Variants in AFF1 observed in about 807,000 individuals in gnomAD.
AFF1 encodes AF4/FMR2 family member 1.
A neutral mutation model predicts 121.7 loss-of-function variants in AFF1; 48 were observed. The observed-to-expected ratio is 0.39, with a 90% confidence interval of 0.31 to 0.50. AFF1 has a LOEUF of 0.50. Ranked by LOEUF, AFF1 falls within the 20% of genes least tolerant of loss-of-function variation. AFF1 has a pLI of 0.76. For synonymous variants in AFF1, 613 were observed against 563.0 expected (o/e 1.09, Z -1.26); for missense variants, 1,523 against 1,511.7 (o/e 1.01, Z -0.12).
chr4:87,055,897 C>G (rs1027535871), intron 4 of AFF1, among the ~76,000 whole-genome samples: 1 of 152,206 alleles, frequency 6.6e-6, no homozygotes, highest in African/African-American at 2.4e-5. Flanking sequence ...CCAAGGTTAA[C>G]TTTGCATGTT....
chr4:86,989,196 TTAAAC>T (rs1226766927), intron 2 of AFF1, among the ~76,000 whole-genome samples: 1 of 152,128 alleles, frequency 6.6e-6, no homozygotes. Context: ...TAGGATGTAA[TTAAAC>T]TAAAGAGCTT....
At chr4:87,027,424 C>G (rs1033507174) in intron 2 of AFF1, among the ~76,000 whole-genome samples, 1 of 152,218 alleles carries the variant, frequency 6.6e-6, no homozygotes, top group African/African-American at 2.4e-5. Flanking sequence ...CTCTTGAGTT[C>G]CTTTCCTTCC....
intron 8 of AFF1, among the ~76,000 whole-genome samples, chr4:87,100,438 C>A (rs887480493): frequency 7.2e-5 from 11 of 152,174 alleles, no homozygotes; most frequent in African/African-American, 2.7e-4. Flanking sequence ...ACAAGACTTG[C>A]ATTGTGCTCT....
intron 2 of AFF1, among the ~76,000 whole-genome samples, chr4:87,038,215 A>G (rs1047578549): frequency 6.6e-6 from 1 of 152,176 alleles, no homozygotes; most frequent in Admixed American, 6.5e-5. Context: ...AATGTTATTC[A>G]TGTTAGTTAT....
rs199875068 is a variant in AFF1, at chr4:87,007,463, T to C, written c.39-38703T>C. 4.6e-4 allele frequency: 743 copies of C among 1,611,362 alleles called. 3 individuals carry two copies. In the African/African-American group the frequency reaches 8.9e-3, roughly 19 times the overall value. On this transcript the variant is annotated intron_variant, in intron 2 of 20. Transcript: ENST00000395146. The stretch of plus-strand genomic sequence containing the variant: ...CGGAGAAACTTTTCAAACGCGTTCG[T>C]GGCGAGGGGAGCTGAAGGTTGCGGG...
chr4:86,977,348 C>T (rs1023887656), intron 2 of AFF1, among the ~76,000 whole-genome samples: 1 of 152,158 alleles, frequency 6.6e-6, no homozygotes, highest in African/African-American at 2.4e-5. Flanking sequence ...CATCACACTA[C>T]TTAGAATTGT....
rs772659871 is a variant in AFF1, at chr4:87,114,328, A to G, written c.1534-39A>G. 8.6e-4 allele frequency: 1,315 copies of G among 1,520,712 alleles called. 1 individual carries two copies. The highest frequency in any genetic ancestry group is 1.1e-3 in the Non-Finnish European group (1,213 of 1,131,796). 94.2% of individuals were successfully genotyped at this position (1,520,712 alleles called of 1,614,324 possible). ...AACACAAAAGAATAATTTGTCATCA[A>G]TGGTCAGTTAACACTTTTCTTTCTT... On this transcript the variant is annotated intron_variant, in intron 11 of 20. Transcript: ENST00000395146.
At chr4:86,948,598 A>G in intron 2 of AFF1, 27 bp downstream of exon 2, 1 of 1,527,806 alleles carries the variant, frequency 6.5e-7, no homozygotes, top group African/African-American at 1.4e-5. Context: ...TGATTCAAAG[A>G]CATGCTGATA....
intron 2 of AFF1, among the ~76,000 whole-genome samples, chr4:86,951,646 C>T (rs1427780176): frequency 6.2e-5 from 6 of 97,082 alleles, no homozygotes; most frequent in East Asian, 2.5e-4. Flanking sequence ...TTTTTTGAGA[C>T]GGAGTCTCCC....
intron 20 of AFF1, 23 bp from the exon 21 acceptor site, chr4:87,135,552 TTTTTG>T (rs756352286): frequency 4.0e-6 from 6 of 1,484,390 alleles, no homozygotes; most frequent in South Asian, 1.3e-5. Context: ...TATTTACTTG[TTTTTG>T]TTTTGTTTTG....
intron 16 of AFF1, among the ~76,000 whole-genome samples, chr4:87,128,223 A>G (rs191222643): frequency 6.6e-6 from 1 of 152,338 alleles, no homozygotes. Context: ...GAGTTGAGCT[A>G]GGCTATTAGA....
At chr4:86,978,761 C>T (rs1723503071) in intron 2 of AFF1, among the ~76,000 whole-genome samples, 1 of 152,106 alleles carries the variant, frequency 6.6e-6, no homozygotes, top group Admixed American at 6.5e-5. Context: ...ACTTTGTAAT[C>T]AGTGTTGCGT....
At chr4:87,001,289 T>G (rs1438462018) in intron 2 of AFF1, among the ~76,000 whole-genome samples, 1 of 133,768 alleles carries the variant, frequency 7.5e-6, no homozygotes, top group Non-Finnish European at 1.6e-5. Flanking sequence ...CAATCTCGGC[T>G]CACTGCAACC....
intron 2 of AFF1, among the ~76,000 whole-genome samples, chr4:87,044,981 A>G (rs187308397): frequency 7.4e-4 from 113 of 152,338 alleles, no homozygotes; most frequent in African/African-American, 2.6e-3. Context: ...ATTTTAAAAT[A>G]TGGATTGTGA....
Position 87,113,500 on chromosome 4 carries a change from G to T in AFF1, c.1534-867G>T, listed in dbSNP as rs117621875. Among the ~76,000 whole-genome samples, 35 of 152,070 alleles carry T rather than the reference G, an allele frequency of 2.3e-4. No homozygotes were observed. In the East Asian group the frequency reaches 6.8e-3, roughly 29 times the overall value. On this transcript the variant is annotated intron_variant, in intron 11 of 20. Transcript: ENST00000395146. ...TGCCCAGGCTGGTCTTGAACTCCTGGGCTTAAACAATTCTCCTGTCTTGGC... is the reference window on the plus strand; with the variant it reads ...TGCCCAGGCTGGTCTTGAACTCCTGTGCTTAAACAATTCTCCTGTCTTGGC...
chr4:87,088,106 G>A (rs747248362), intron 5 of AFF1, among the ~76,000 whole-genome samples: 1 of 152,224 alleles, frequency 6.6e-6, no homozygotes, highest in Non-Finnish European at 1.5e-5. Flanking sequence ...CTCTTAGTGA[G>A]CATTGAGGAT....
intron 2 of AFF1, among the ~76,000 whole-genome samples, chr4:87,039,682 T>C (rs1485954543): frequency 6.6e-6 from 1 of 152,218 alleles, no homozygotes; most frequent in Non-Finnish European, 1.5e-5. Flanking sequence ...TAGAGATCTT[T>C]TGATACATCA....
intron 2 of AFF1, among the ~76,000 whole-genome samples, chr4:87,035,267 TACTC>T (rs1729443985): frequency 1.3e-5 from 2 of 152,048 alleles, no homozygotes; most frequent in East Asian, 1.9e-4. Flanking sequence ...CTGCTTGAAA[TACTC>T]ACCCAGGAGG....
At chr4:87,057,894 T>TC (rs890519320) in intron 4 of AFF1, among the ~76,000 whole-genome samples, 1 of 151,864 alleles carries the variant, frequency 6.6e-6, no homozygotes, top group Non-Finnish European at 1.5e-5. Context: ...GTCTTCAACA[T>TC]CCCCCCGCCC....
Sources: allele counts gnomAD v4.1 joint callset (sites outside exome capture counted in the v4.1 genomes callset), GRCh38; gene constraint gnomAD v4.1.1; transcripts MANE v1.5; gene names NCBI Gene and HGNC (gene_info 2026-07-23, HGNC 2026-07-21).